Variants in DNAH3 observed in about 807,000 individuals in gnomAD.
DNAH3 encodes dynein axonemal heavy chain 3.
DNAH3 carries 332 observed loss-of-function variants against 432.5 expected under a neutral mutation model. That is an observed-to-expected ratio of 0.77 (90% CI 0.70 to 0.84). DNAH3 has a LOEUF of 0.84. Ranked by LOEUF, DNAH3 falls within the 40% of genes least tolerant of loss-of-function variation. The probability of loss-of-function intolerance (pLI) is 0.00; values close to 1 mark genes in which losing one functional copy is unlikely to be tolerated. For missense variants in DNAH3, 4,861 were observed against 5,114.0 expected, an observed-to-expected ratio of 0.95 and a Z score of 1.51; for synonymous variants, 1,956 against 1,900.2, an observed-to-expected ratio of 1.03 and a Z score of -0.76.
exon 37 of DNAH3, chr16:21,031,056 C>T (rs2088843065): frequency 6.2e-7 from 1 of 1,614,074 alleles, no homozygotes; most frequent in South Asian, 1.1e-5. Flanking sequence ...TTTTTATTGT[C>T]ATCCAGAACA....
chr16:21,156,859 G>A (rs965190160), intron 1 of DNAH3, among the ~76,000 whole-genome samples: 8 of 152,182 alleles, frequency 5.3e-5, no homozygotes, highest in African/African-American at 1.9e-4. Flanking sequence ...AAATGCCAGA[G>A]GTGGAAGGAA....
chr16:20,956,003 C>T (rs2084547515), intron 54 of DNAH3, among the ~76,000 whole-genome samples: 1 of 152,002 alleles, frequency 6.6e-6, no homozygotes, highest in Non-Finnish European at 1.5e-5. Context: ...TCTCGGCTCA[C>T]TGCAACCTCC....
Position 20,995,017 on chromosome 16 carries a change from T to C in DNAH3, c.6601+2266A>G, listed in dbSNP as rs557027158. On this transcript the variant is annotated intron_variant, in intron 44 of 61. Transcript: ENST00000261383. ...TGGTGCGATCTTGGCTCACTGAAGC[T>C]TTGACCTCCCAAGGTTCAAGCGATC... Among the ~76,000 whole-genome samples, 3 of 152,142 alleles carry C rather than the reference T, an allele frequency of 2.0e-5. No homozygotes were observed. In the South Asian group the frequency reaches 6.2e-4, roughly 32 times the overall value.
intron 21 of DNAH3, among the ~76,000 whole-genome samples, chr16:21,074,954 T>C (rs1339490968): frequency 6.6e-6 from 1 of 152,170 alleles, no homozygotes; most frequent in Non-Finnish European, 1.5e-5. Context: ...ACCTACACCC[T>C]TACTATTCAA....
intron 1 of DNAH3, among the ~76,000 whole-genome samples, chr16:21,154,526 T>C (rs952445130): frequency 6.6e-6 from 1 of 152,240 alleles, no homozygotes; most frequent in Admixed American, 6.5e-5. Context: ...TGTTTAAAAC[T>C]ATCAAAACAA....
At chr16:20,940,873 T>C (rs1169096708) in intron 59 of DNAH3, among the ~76,000 whole-genome samples, 1 of 152,092 alleles carries the variant, frequency 6.6e-6, no homozygotes, top group African/African-American at 2.4e-5. Flanking sequence ...GCTGGAGGCC[T>C]GCTTGAGGCC....
At chr16:20,964,301 T>C (rs1163314476) in exon 53 of DNAH3, 2 of 1,614,216 alleles carry the variant, frequency 1.2e-6, no homozygotes, top group Non-Finnish European at 1.7e-6. Flanking sequence ...GGGGTGATCA[T>C]GAAGTTGAGG....
intron 49 of DNAH3, among the ~76,000 whole-genome samples, chr16:20,982,468 T>C (rs544016284): frequency 3.9e-5 from 6 of 152,334 alleles, no homozygotes; most frequent in Admixed American, 3.3e-4. Flanking sequence ...CTAGGACTAC[T>C]GAAATAGCTA....
intron 23 of DNAH3, 85 bp downstream of exon 23, chr16:21,069,330 A>C (rs2090693544): frequency 1.7e-6 from 2 of 1,196,396 alleles, no homozygotes; most frequent in East Asian, 2.3e-5. Context: ...GTTCATTTAC[A>C]AGTTTCAAGG....
intron 53 of DNAH3, among the ~76,000 whole-genome samples, chr16:20,961,483 G>A (rs984586566): frequency 9.3e-5 from 14 of 151,134 alleles, no homozygotes; most frequent in African/African-American, 1.7e-4. Flanking sequence ...ACCCTAGAAC[G>A]TAAAGTATAA....
chr16:21,074,969 G>T (rs1024843443), intron 21 of DNAH3, among the ~76,000 whole-genome samples: 1 of 152,164 alleles, frequency 6.6e-6, no homozygotes, highest in Non-Finnish European at 1.5e-5. Flanking sequence ...ATTCAAAATT[G>T]ATCAATATTA....
intron 11 of DNAH3, among the ~76,000 whole-genome samples, chr16:21,120,260 C>T (rs76141808): frequency 0.057 from 8,726 of 151,976 alleles, 329 homozygotes; most frequent in Non-Finnish European, 0.086. Flanking sequence ...TGTGCCACCA[C>T]CCCAGCTAAT....
At chr16:21,038,077 A>G in intron 33 of DNAH3, 97 bp from the exon 34 acceptor site, 4 of 1,017,640 alleles carry the variant, frequency 3.9e-6, no homozygotes, top group Non-Finnish European at 6.0e-6. Context: ...GTCAGCAACC[A>G]GGCATGCCCA....
At chr16:20,982,869 C>T (rs748250294) in exon 49 of DNAH3, 3 of 1,614,122 alleles carry the variant, frequency 1.9e-6, no homozygotes, top group East Asian at 4.5e-5. Flanking sequence ...CTGAAGGCAT[C>T]CCCTATTGGA....
chr16:21,141,214 A>C (rs2092714295), intron 4 of DNAH3, 86 bp downstream of exon 5: 1 of 908,042 alleles, frequency 1.1e-6, no homozygotes, highest in Non-Finnish European at 1.7e-6. Flanking sequence ...TTTGAAGCCA[A>C]GAAGCAGAGT....
chr16:21,104,218 G>A (rs1249594666), intron 16 of DNAH3: 2 of 359,732 alleles, frequency 5.6e-6, no homozygotes, highest in Non-Finnish European at 1.0e-5. Context: ...TTTTCTCTCT[G>A]CACCACCAAA....
At chr16:21,093,155 G>A (rs1425268950) in intron 18 of DNAH3, among the ~76,000 whole-genome samples, 1 of 152,184 alleles carries the variant, frequency 6.6e-6, no homozygotes, top group Non-Finnish European at 1.5e-5. Context: ...AGGATGTGGA[G>A]CAACAGGAAA....
chr16:21,067,762 G>T (rs57644390), intron 23 of DNAH3, among the ~76,000 whole-genome samples: 3 of 49,768 alleles, frequency 6.0e-5, no homozygotes, highest in South Asian at 1.6e-3. Flanking sequence ...AGTCTTGGGG[G>T]GGGGGGTGGG....
At chr16:21,067,187 T>A in intron 24 of DNAH3, 96 bp downstream of exon 24, 1 of 1,338,046 alleles carries the variant, frequency 7.5e-7, no homozygotes, top group Non-Finnish European at 1.1e-6. Context: ...GAGTATGGAC[T>A]AGATTGGTTG....
Sources: allele counts gnomAD v4.1 joint callset (sites outside exome capture counted in the v4.1 genomes callset), GRCh38; gene constraint gnomAD v4.1.1; transcripts MANE v1.5; gene names NCBI Gene and HGNC (gene_info 2026-07-23, HGNC 2026-07-21).